Variants in SCAF8 observed in about 807,000 individuals in gnomAD.
SCAF8 encodes SR-related and CTD-associated factor 8.
Under a neutral mutation model 140.5 loss-of-function variants are expected in SCAF8, and 23 were observed. The ratio of observed to expected loss-of-function variants is 0.16; its 90% CI spans 0.12 to 0.23. SCAF8 has a LOEUF of 0.23. SCAF8 is among the 10% of genes least tolerant of loss of function. The pLI, the probability that SCAF8 is intolerant of heterozygous loss-of-function variation, is 1.00. For missense variants in SCAF8, 1,397 were observed against 1,555.7 expected (o/e 0.90, Z 1.72); for synonymous variants, 575 against 528.9 (o/e 1.09, Z -1.20).
intron 3 of SCAF8, among the ~76,000 whole-genome samples, chr6:154,784,120 G>GAGAGAGATAT (rs1362230678): frequency 1.9e-5 from 2 of 106,832 alleles, no homozygotes; most frequent in South Asian, 2.9e-4. Context: ...GGTGTCTTGA[G>GAGAGAGATAT]ATATATATAT....
intron 1 of SCAF8, among the ~76,000 whole-genome samples, chr6:154,744,176 C>G (rs1299742367): frequency 6.6e-6 from 1 of 152,060 alleles, no homozygotes; most frequent in Admixed American, 6.6e-5. Context: ...ACCTGTAATC[C>G]CAGCTACTCA....
Position 154,831,123 on chromosome 6 carries a change from G to C in SCAF8, c.2342G>C (p.Gly781Ala). Residue 781 changes from glycine (G) to alanine (A), a missense_variant, in exon 19 of 20, where the codon GGT (glycine) becomes GCT (alanine). Gly to Ala is a moderately conservative substitution (Grantham distance 60, BLOSUM62 0). Transcript: ENST00000367178. ...PHLIDHQISSGENTRSVIPND... is the reference protein window; with the variant it reads ...PHLIDHQISSAENTRSVIPND... ...CTTATAGACCACCAGATTTCTTCTG[G>C]TGAAAACACCAGATCAGGTAAATAA... 1.2e-6 allele frequency: 2 copies of C among 1,601,742 alleles called. No homozygotes were observed. The highest frequency in any genetic ancestry group is 1.7e-6 in the Non-Finnish European group (2 of 1,169,498).
chr6:154,753,904 C>A (rs1310653656), intron 1 of SCAF8, among the ~76,000 whole-genome samples: 1 of 152,178 alleles, frequency 6.6e-6, no homozygotes, highest in Non-Finnish European at 1.5e-5. Context: ...GTGGCATGAT[C>A]ATAGCTCACC....
intron 3 of SCAF8, among the ~76,000 whole-genome samples, chr6:154,783,903 C>A (rs570839701): frequency 6.6e-6 from 1 of 151,408 alleles, no homozygotes; most frequent in Non-Finnish European, 1.5e-5. Context: ...AATCCCGTCT[C>A]TACTAATACA....
At chr6:154,826,237 G>T (rs1778564317) in intron 17 of SCAF8, among the ~76,000 whole-genome samples, 1 of 151,976 alleles carries the variant, frequency 6.6e-6, no homozygotes, top group Non-Finnish European at 1.5e-5. Flanking sequence ...AAATATTTCA[G>T]AAGATATTTT....
At chr6:154,750,578 A>G (rs373465370) in intron 1 of SCAF8, among the ~76,000 whole-genome samples, 2 of 152,346 alleles carry the variant, frequency 1.3e-5, no homozygotes, top group East Asian at 3.8e-4. Flanking sequence ...TCTTGTATGT[A>G]ATTAAAACTT....
rs149754032 is a variant in SCAF8 at position 154,797,392 on chromosome 6, T to C, written c.606+2253T>C. On this transcript the variant is annotated intron_variant, in intron 6 of 19. Transcript: ENST00000367178. ...TAATTCTTTGCAAGATTAATCTTTA[T>C]CAGTGATTTTTTTTTTCTTTTGAGA... Among the ~76,000 whole-genome samples, 440 of 151,334 alleles carry C rather than the reference T, an allele frequency of 2.9e-3. 2 individuals are homozygous for C. The highest frequency in any genetic ancestry group is 9.9e-3 in the African/African-American group (411 of 41,414).
At chr6:154,831,703 TAAAAAAAAAAAAAAAAAAAA>T (rs58013583) in intron 19 of SCAF8, among the ~76,000 whole-genome samples, 866 of 48,094 alleles carry the variant, frequency 0.018, 26 homozygotes, top group African/African-American at 0.057. Context: ...CTCCTGTTCT[TAAAAAAAAAAAAAAAAAAAA>T]AAAAAAAAAA....
intron 13 of SCAF8, among the ~76,000 whole-genome samples, chr6:154,816,882 A>G (rs1160973645): frequency 6.6e-6 from 1 of 152,176 alleles, no homozygotes; most frequent in African/African-American, 2.4e-5. Flanking sequence ...AAGTAATTCA[A>G]ATACTGTTGT....
chr6:154,765,746 T>C (rs1341486543), intron 1 of SCAF8, among the ~76,000 whole-genome samples: 1 of 152,232 alleles, frequency 6.6e-6, no homozygotes, highest in Non-Finnish European at 1.5e-5. Context: ...GGGAAATTTT[T>C]ATCAACCTTC....
chr6:154,817,984 G>C (rs556612131), intron 13 of SCAF8, among the ~76,000 whole-genome samples: 9 of 152,216 alleles, frequency 5.9e-5, no homozygotes, highest in African/African-American at 2.2e-4. Flanking sequence ...AATTGTTTCA[G>C]ATTATGGATT....
At chr6:154,762,587 G>A (rs1776438037) in intron 1 of SCAF8, among the ~76,000 whole-genome samples, 1 of 152,132 alleles carries the variant, frequency 6.6e-6, no homozygotes, top group African/African-American at 2.4e-5. Flanking sequence ...CAGGGTAGAA[G>A]TCTTGGGGGC....
chr6:154,803,449 T>G (rs3757291), intron 7 of SCAF8, 95 bp from the exon 8 acceptor site: 427,426 of 800,434 alleles, frequency 0.53, 122,006 homozygotes, highest in East Asian at 0.93. Flanking sequence ...AAATGATAGA[T>G]ATAACGGAAT....
chr6:154,751,532 C>G (rs776436106), intron 1 of SCAF8, among the ~76,000 whole-genome samples: 5 of 152,080 alleles, frequency 3.3e-5, no homozygotes, highest in African/African-American at 4.8e-5. Flanking sequence ...CCGGCCAAAA[C>G]TACGAATTTT....
chr6:154,793,568 A>G (rs974708923), intron 5 of SCAF8, among the ~76,000 whole-genome samples: 1 of 151,930 alleles, frequency 6.6e-6, no homozygotes, highest in Admixed American at 6.5e-5. Context: ...TAATCCTAGC[A>G]CTTTGGGAGG....
At chr6:154,767,494 G>A (rs1223072292) in intron 1 of SCAF8, among the ~76,000 whole-genome samples, 2 of 145,872 alleles carry the variant, frequency 1.4e-5, no homozygotes, top group African/African-American at 5.0e-5. Flanking sequence ...ATCATGTGTT[G>A]CCTCTTGTTT....
intron 3 of SCAF8, among the ~76,000 whole-genome samples, chr6:154,784,486 T>C (rs1429648635): frequency 2.0e-5 from 3 of 152,202 alleles, no homozygotes; most frequent in Admixed American, 2.0e-4. Context: ...TTTATATAAT[T>C]ACAGTCACTC....
chr6:154,774,188 A>G, intron 2 of SCAF8, 116 bp downstream of exon 2: 1 of 707,842 alleles, frequency 1.4e-6, no homozygotes, highest in Non-Finnish European at 2.4e-6. Context: ...GTGTTAACAC[A>G]TATTGTGGAA....
intron 1 of SCAF8, among the ~76,000 whole-genome samples, chr6:154,735,601 C>T (rs1778395237): frequency 1.3e-5 from 2 of 150,722 alleles, no homozygotes; most frequent in Admixed American, 6.6e-5. Flanking sequence ...GTAGCCTCCA[C>T]CTCCCGGTTT....
Sources: allele counts gnomAD v4.1 joint callset (sites outside exome capture counted in the v4.1 genomes callset), GRCh38; gene constraint gnomAD v4.1.1; transcripts MANE v1.5; gene names NCBI Gene and HGNC (gene_info 2026-07-23, HGNC 2026-07-21).